RBFOX1: variants seen among roughly 807,000 people sequenced by gnomAD.
The protein encoded by RBFOX1 is RNA binding fox-1 homolog 1.
RBFOX1 carries 8 observed loss-of-function variants against 57.7 expected under a neutral mutation model. The observed-to-expected ratio is 0.14, with a 90% CI of 0.08 to 0.25. The LOEUF (loss-of-function observed/expected upper bound fraction) is 0.25. Ranked by LOEUF, RBFOX1 falls within the 10% of genes least tolerant of loss-of-function variation. The pLI is 1.00. For missense variants in RBFOX1, 611 were observed against 548.5 expected, an observed-to-expected ratio of 1.11 and a Z score of -1.14; for synonymous variants, 326 against 222.4, an observed-to-expected ratio of 1.47 and a Z score of -4.15.
downstream of RBFOX1, among the ~76,000 whole-genome samples, chr16:5,604,993 G>A (rs1183011731): frequency 6.6e-6 from 1 of 152,182 alleles, no homozygotes; most frequent in Non-Finnish European, 1.5e-5. Flanking sequence ...GGATGGAAGT[G>A]AAACTCCTGT....
At chr16:6,351,937 T>A (rs1291854457) in intron 2 of RBFOX1, among the ~76,000 whole-genome samples, 1 of 152,180 alleles carries the variant, frequency 6.6e-6, no homozygotes, top group Non-Finnish European at 1.5e-5. Context: ...GGAGATGCTG[T>A]AACTGGTATA....
At chr16:6,569,807 T>G (rs910618865) in intron 2 of RBFOX1, among the ~76,000 whole-genome samples, 10 of 152,220 alleles carry the variant, frequency 6.6e-5, no homozygotes, top group Admixed American at 2.0e-4. Context: ...CACGGCTGTT[T>G]CGTTAAGTTC....
At chr16:7,211,968 A>C (rs2091228973) in intron 4 of RBFOX1, among the ~76,000 whole-genome samples, 1 of 151,314 alleles carries the variant, frequency 6.6e-6, no homozygotes. Context: ...CCTCCTACCC[A>C]CCCCTTCTCA....
intron 2 of RBFOX1, among the ~76,000 whole-genome samples, chr16:6,335,548 G>A (rs972926243): frequency 3.9e-5 from 6 of 151,970 alleles, no homozygotes; most frequent in African/African-American, 1.4e-4. Context: ...GGGAGGCCGA[G>A]GCTGGTGGAT....
At chr16:6,880,812 A>G (rs7186895) in intron 3 of RBFOX1, among the ~76,000 whole-genome samples, 27,249 of 152,210 alleles carry the variant, frequency 0.18, 2,560 homozygotes, top group South Asian at 0.28. Flanking sequence ...TATTGAAAGA[A>G]TAAATCAATA....
intron 3 of RBFOX1, among the ~76,000 whole-genome samples, chr16:6,800,891 A>G (rs2085276971): frequency 6.6e-6 from 1 of 152,122 alleles, no homozygotes; most frequent in Non-Finnish European, 1.5e-5. Context: ...AAGTTAATTC[A>G]CTTCAAGTGG....
intron 4 of RBFOX1, among the ~76,000 whole-genome samples, chr16:5,967,076 C>A (rs1202834550): frequency 1.3e-5 from 2 of 150,070 alleles, no homozygotes; most frequent in East Asian, 3.9e-4. Context: ...CATGACCGCT[C>A]ATTTATATAT....
chr16:6,989,023 A>G (rs921762906), intron 3 of RBFOX1, among the ~76,000 whole-genome samples: 3 of 152,018 alleles, frequency 2.0e-5, no homozygotes, highest in Admixed American at 6.6e-5. Flanking sequence ...TCGGACTCCC[A>G]AAGTGCTGGG....
At chr16:7,168,977 A>T (rs981489530) in intron 4 of RBFOX1, among the ~76,000 whole-genome samples, 1 of 152,166 alleles carries the variant, frequency 6.6e-6, no homozygotes, top group Non-Finnish European at 1.5e-5. Context: ...AATAATTCTG[A>T]TACTCTAATT....
rs142187049 is a variant in RBFOX1 at position 5,626,986 on chromosome 16, A to G, written c.318+28025A>G. Among the ~76,000 whole-genome samples the G allele has an allele frequency of 2.1e-3, 316 of 152,330 alleles. 4 individuals are homozygous for G. In the East Asian group the frequency reaches 0.021, roughly 10 times the overall value. On this transcript the variant is annotated intron_variant, in intron 3 of 19. Transcript: ENST00000641259. ...AGATAAATCAGCTTCCTTTTAAATT[A>G]TGATCTTGGAGGAAATAATGATCTA...
At chr16:5,430,828 C>G (rs533324568) in intron 1 of RBFOX1, among the ~76,000 whole-genome samples, 3 of 152,342 alleles carry the variant, frequency 2.0e-5, no homozygotes, top group African/African-American at 7.2e-5. Flanking sequence ...GAGAAACATA[C>G]AGATACAACA....
At chr16:6,460,145 A>G (rs2094882164) in intron 2 of RBFOX1, among the ~76,000 whole-genome samples, 1 of 151,666 alleles carries the variant, frequency 6.6e-6, no homozygotes, top group Non-Finnish European at 1.5e-5. Context: ...ACAGAAGTTT[A>G]TTTTCTCATA....
chr16:5,613,461 G>A (rs900190397), intron 3 of RBFOX1, among the ~76,000 whole-genome samples: 1 of 152,186 alleles, frequency 6.6e-6, no homozygotes, highest in Non-Finnish European at 1.5e-5. Flanking sequence ...GCACAGGGTT[G>A]CAGCCCTGAT....
At chr16:7,595,776 T>TA in intron 8 of RBFOX1, 135 bp downstream of exon 8, 1 of 333,208 alleles carries the variant, frequency 3.0e-6, no homozygotes, top group Non-Finnish European at 4.7e-6. Flanking sequence ...ATATATATAT[T>TA]TTTATATATA....
intron 3 of RBFOX1, among the ~76,000 whole-genome samples, chr16:6,845,083 C>G (rs1274148263): frequency 6.6e-6 from 1 of 152,134 alleles, no homozygotes; most frequent in Non-Finnish European, 1.5e-5. Context: ...GATATTAGAC[C>G]TTTGTCAGAT....
chr16:7,184,562 C>G (rs1426388089), intron 4 of RBFOX1, among the ~76,000 whole-genome samples: 1 of 152,302 alleles, frequency 6.6e-6, no homozygotes, highest in East Asian at 1.9e-4. Context: ...ATTGGCTGTG[C>G]CTTTGTGACA....
rs529385630 is a variant in RBFOX1, at chr16:7,515,565, G to T, written c.28-2582G>T. 1.3e-3 allele frequency among the ~76,000 whole-genome samples: 201 copies of T among 152,164 alleles called. 1 individual carries two copies. Among genetic ancestry groups the T allele is most frequent in the African/African-American group, 4.6e-3 (189 of 41,502 alleles). On this transcript the variant is annotated intron_variant, in intron 4 of 15. Coordinates refer to ENST00000550418, the MANE Select transcript of RBFOX1 (RefSeq NM_018723.4). ...ACCTGGAATGTGGTCACTTCACAAT[G>T]TATACATATGTCAAAACATCAAGTT...
In RBFOX1 at chr16:5,946,296, T is replaced by C. The variant is rs1412701020; in HGVS notation, c.351+78961T>C. On this transcript the variant is annotated intron_variant, in intron 4 of 19. Coordinates refer to the RBFOX1 transcript ENST00000641259. This position sits in a 1 kb window ranked among gnomAD's most constrained non-coding sequence, Gnocchi z 4.6. The stretch of plus-strand genomic sequence containing the variant: ...GGACACAATCATAGGACCTCCCTCA[T>C]AGGGTTATTTGAGGCTCAGACTAAA... Among the ~76,000 whole-genome samples, 2 of 152,136 alleles carry C rather than the reference T, an allele frequency of 1.3e-5. No individual in the cohort carries two copies. The highest frequency in any genetic ancestry group is 2.9e-5 in the Non-Finnish European group (2 of 68,014).
intron 2 of RBFOX1, among the ~76,000 whole-genome samples, chr16:5,559,159 C>T (rs1280153372): frequency 1.8e-4 from 25 of 135,642 alleles, no homozygotes; most frequent in Admixed American, 1.7e-3. Context: ...GGAGAACCCC[C>T]CCAGGCAAAA....
Sources: gnomAD v4.1 joint callset for allele counts (sites outside exome capture counted in the v4.1 genomes callset) on GRCh38, gnomAD v4.1.1 for gene constraint, Gnocchi (gnomAD v3.1) non-coding constraint, MANE v1.5 for transcripts, NCBI Gene and HGNC (gene_info 2026-07-23, HGNC 2026-07-21) for gene names.